PRKN: variants seen among roughly 807,000 people sequenced by gnomAD.
PRKN encodes E3 ubiquitin-protein ligase parkin.
PRKN carries 56 observed loss-of-function variants against 59.5 expected under a neutral mutation model. The ratio of observed to expected loss-of-function variants is 0.94; its 90% CI spans 0.76 to 1.18. The LOEUF is 1.18. Ranked by LOEUF, PRKN falls within the 50% of genes most tolerant of loss-of-function variation. The probability of loss-of-function intolerance (pLI) is 0.00; values close to 1 mark genes in which losing one functional copy is unlikely to be tolerated. For synonymous variants in PRKN, 250 were observed against 222.1 expected, an observed-to-expected ratio of 1.13 and a Z score of -1.12; for missense variants, 657 against 596.4, an observed-to-expected ratio of 1.10 and a Z score of -1.06.
Position 162,336,991 on chromosome 6 carries a change from T to A in PRKN, c.172-74226A>T, listed in dbSNP as rs1463485980. On this transcript the variant is annotated intron_variant, in intron 2 of 11. Coordinates refer to ENST00000366898, the MANE Select transcript of PRKN (RefSeq NM_004562.3). ...CCAGTTGAGACTGCTAAGGACTCGG[T>A]CAGAGGTGTAATTAGAAGAACAACT... Among the ~76,000 whole-genome samples, 4 of 152,354 alleles carry A rather than the reference T, an allele frequency of 2.6e-5. No individual in the cohort carries two copies. The East Asian group carries it at 7.7e-4, about 29-fold the overall frequency.
intron 1 of PRKN, among the ~76,000 whole-genome samples, chr6:162,542,734 T>C (rs895036142): frequency 6.6e-6 from 1 of 152,160 alleles, no homozygotes; most frequent in African/African-American, 2.4e-5. Flanking sequence ...GCACATAGCA[T>C]AGATACTAAT....
chr6:161,914,393 A>C (rs1778477092), intron 6 of PRKN, among the ~76,000 whole-genome samples: 1 of 152,182 alleles, frequency 6.6e-6, no homozygotes, highest in African/African-American at 2.4e-5. Context: ...TCTATATTAT[A>C]TTTCTAAGTA....
In PRKN at chr6:161,460,926, CTT is replaced by C. The variant is rs34038024; in HGVS notation, c.1084-74051_1084-74050del. On this transcript the variant is annotated intron_variant, in intron 9 of 11. Transcript: ENST00000366898. This position sits in a 1 kb window ranked among gnomAD's most constrained non-coding sequence, Gnocchi z 5.0. Reference sequence around the variant, plus strand: ...CACCACGCCCAGCTAATTTTTCTTTCTTTTTTTTTTTTAGCAGAGACGGGGTT... The same window carrying C: ...CACCACGCCCAGCTAATTTTTCTTTCTTTTTTTTTTAGCAGAGACGGGGTT... Among the ~76,000 whole-genome samples the C allele has an allele frequency of 1.4e-5, 2 of 143,362 alleles. No homozygotes were observed. Among genetic ancestry groups the C allele is most frequent in the Non-Finnish European group, 1.5e-5 (1 of 64,998 alleles). The allele number at this position is 143,362 out of a possible 152,430, so 94.1% of individuals were successfully genotyped here. A position where few individuals can be genotyped will look rare whatever the true frequency, so the allele number is the denominator to read the frequency against.
intron 6 of PRKN, among the ~76,000 whole-genome samples, chr6:161,880,538 T>C (rs1482350772): frequency 1.3e-5 from 2 of 152,176 alleles, no homozygotes; most frequent in African/African-American, 4.8e-5. Flanking sequence ...CATTACCTTA[T>C]ACATGTCCCC....
Position 162,524,782 on chromosome 6 carries a change from T to G in PRKN, c.8-81309A>C, listed in dbSNP as rs1169954756. Among the ~76,000 whole-genome samples the G allele has an allele frequency of 2.0e-5, 3 of 152,174 alleles. 1 individual carries two copies. On this transcript the variant is annotated intron_variant, in intron 1 of 11. Coordinates refer to ENST00000366898, the MANE Select transcript of PRKN (RefSeq NM_004562.3). ...ACTACATCAAAAACTGCTTTCCAAA[T>G]TTTTAGTAGAACTTCTCTTTTAAGC...
At chr6:162,243,870 G>A (rs1160137751) in intron 3 of PRKN, among the ~76,000 whole-genome samples, 1 of 152,002 alleles carries the variant, frequency 6.6e-6, no homozygotes, top group Non-Finnish European at 1.5e-5. Context: ...CAATCATGAA[G>A]GACTGTGGAT....
chr6:161,644,307 T>C (rs888470348), intron 7 of PRKN, among the ~76,000 whole-genome samples: 6 of 152,198 alleles, frequency 3.9e-5, no homozygotes, highest in African/African-American at 9.7e-5. Flanking sequence ...TCCATAAAAA[T>C]GGTATCTGGA....
Position 161,406,164 on chromosome 6 carries a change from A to G in PRKN, c.1084-19287T>C, listed in dbSNP as rs188789964. Among the ~76,000 whole-genome samples, 660 of 151,466 alleles carry G rather than the reference A, an allele frequency of 4.4e-3. 6 individuals are homozygous for G. The highest frequency in any genetic ancestry group is 0.015 in the African/African-American group (630 of 41,248). ...TATACATATATACACACATATATAT[A>G]CACATATATATACATACATATATAC... On this transcript the variant is annotated intron_variant, in intron 9 of 11. Transcript: ENST00000366898.
chr6:161,774,149 C>T (rs1179033800), intron 7 of PRKN, among the ~76,000 whole-genome samples: 1 of 152,108 alleles, frequency 6.6e-6, no homozygotes, highest in African/African-American at 2.4e-5. Context: ...TCCTACAGCT[C>T]TTTTTCTGGT....
intron 7 of PRKN, among the ~76,000 whole-genome samples, chr6:161,693,107 A>T (rs1785869246): frequency 6.6e-6 from 1 of 151,710 alleles, no homozygotes; most frequent in Non-Finnish European, 1.5e-5. Context: ...CTTTAGAATT[A>T]AAAAAACACA....
intron 1 of PRKN, among the ~76,000 whole-genome samples, chr6:162,670,003 A>C (rs1779259427): frequency 6.6e-6 from 1 of 152,246 alleles, no homozygotes; most frequent in South Asian, 2.1e-4. Flanking sequence ...AAGTTAAACT[A>C]ACAGAAACCA....
In PRKN at chr6:161,552,187, A is replaced by G. The variant is rs112575774; in HGVS notation, c.934-3184T>C. Among the ~76,000 whole-genome samples the G allele has an allele frequency of 1.3e-3, 203 of 152,194 alleles. No homozygotes were observed. The highest frequency in any genetic ancestry group is 4.5e-3 in the African/African-American group (187 of 41,410). On this transcript the variant is annotated intron_variant, in intron 8 of 11. Coordinates refer to ENST00000366898, the MANE Select transcript of PRKN (RefSeq NM_004562.3). This position sits in a 1 kb window ranked among gnomAD's most constrained non-coding sequence, Gnocchi z 4.9. ...ACTGAGCTGCAAAGGCAAAGTAGAA[A>G]GAATGGTGGATTTAAGTTTGGTTGC...
intron 5 of PRKN, among the ~76,000 whole-genome samples, chr6:162,031,222 C>T (rs1783624920): frequency 6.6e-6 from 1 of 151,784 alleles, no homozygotes; most frequent in African/African-American, 2.4e-5. Context: ...CTGCACACAC[C>T]TTTCCAAGGG....
At chr6:161,930,140 A>G (rs949437076) in intron 6 of PRKN, among the ~76,000 whole-genome samples, 2 of 152,226 alleles carry the variant, frequency 1.3e-5, no homozygotes, top group Admixed American at 6.5e-5. Context: ...AGGAAGAACT[A>G]GGTGAACTAA....
chr6:161,959,489 C>T (rs944861978), intron 6 of PRKN, among the ~76,000 whole-genome samples: 2 of 152,204 alleles, frequency 1.3e-5, no homozygotes, highest in Admixed American at 1.3e-4. Flanking sequence ...CCAAAGCAAT[C>T]CTTTTAGAGA....
At chr6:161,753,821 G>A (rs1055034260) in intron 7 of PRKN, among the ~76,000 whole-genome samples, 2 of 152,178 alleles carry the variant, frequency 1.3e-5, no homozygotes, top group African/African-American at 4.8e-5. Context: ...AATGAGAAAG[G>A]TCCCTTCTGA....
chr6:162,335,308 C>G (rs979870452), intron 2 of PRKN, among the ~76,000 whole-genome samples: 1 of 151,986 alleles, frequency 6.6e-6, no homozygotes, highest in Admixed American at 6.6e-5. Context: ...TCCCAAAGTG[C>G]TGGGACTACA....
chr6:162,385,011 G>C (rs760854194), intron 2 of PRKN, among the ~76,000 whole-genome samples: 1 of 152,088 alleles, frequency 6.6e-6, no homozygotes, highest in Non-Finnish European at 1.5e-5. Context: ...CATGACTTAA[G>C]TAGTTTTAGA....
At chr6:162,536,851 C>A (rs1778741495) in intron 1 of PRKN, among the ~76,000 whole-genome samples, 1 of 152,138 alleles carries the variant, frequency 6.6e-6, no homozygotes, top group Admixed American at 6.6e-5. Flanking sequence ...TGAAGTATAA[C>A]ACAGCATGCA....
Sources: gnomAD v4.1 joint callset for allele counts (sites outside exome capture counted in the v4.1 genomes callset) on GRCh38, gnomAD v4.1.1 for gene constraint, Gnocchi (gnomAD v3.1) non-coding constraint, MANE v1.5 for transcripts, NCBI Gene and HGNC (gene_info 2026-07-23, HGNC 2026-07-21) for gene names.